GALK2: variants seen among roughly 807,000 people sequenced by gnomAD.
The protein encoded by GALK2 is N-acetylgalactosamine kinase.
Under a neutral mutation model 52.4 loss-of-function variants are expected in GALK2, and 36 were observed. The observed-to-expected ratio is 0.69, with a 90% CI of 0.53 to 0.91. GALK2 has a LOEUF of 0.91. Among genes scored for constraint, GALK2 ranks in the 40% least tolerant of loss-of-function variants. The probability of loss-of-function intolerance (pLI) is 0.00; values close to 1 mark genes in which losing one functional copy is unlikely to be tolerated. For synonymous variants in GALK2, 176 were observed against 199.1 expected, an observed-to-expected ratio of 0.88 and a Z score of 0.98; for missense variants, 579 against 559.1, an observed-to-expected ratio of 1.04 and a Z score of -0.36.
chr15:49,318,787 G>A (rs1428844688), intron 8 of GALK2, among the ~76,000 whole-genome samples: 1 of 152,122 alleles, frequency 6.6e-6, no homozygotes, highest in Non-Finnish European at 1.5e-5. Context: ...TGGCTCTAGG[G>A]CCAGGCATCC....
At chr15:49,187,024 A>G (rs2086401002) in intron 1 of GALK2, among the ~76,000 whole-genome samples, 1 of 152,188 alleles carries the variant, frequency 6.6e-6, no homozygotes, top group East Asian at 1.9e-4. Flanking sequence ...TTGAAGACTC[A>G]AGTATTATGG....
intron 5 of GALK2, among the ~76,000 whole-genome samples, chr15:49,252,140 A>G (rs984849759): frequency 6.6e-6 from 1 of 151,992 alleles, no homozygotes; most frequent in African/African-American, 2.4e-5. Flanking sequence ...GATGGTGAGC[A>G]CCTGTAATCC....
intron 7 of GALK2, among the ~76,000 whole-genome samples, chr15:49,284,925 G>A (rs948401283): frequency 6.6e-6 from 1 of 152,054 alleles, no homozygotes; most frequent in Non-Finnish European, 1.5e-5. Context: ...CTTTCTATCA[G>A]ACTCCACCTA....
At chr15:49,176,921 A>G (rs2085507170) in intron 1 of GALK2, among the ~76,000 whole-genome samples, 1 of 152,156 alleles carries the variant, frequency 6.6e-6, no homozygotes, top group Non-Finnish European at 1.5e-5. Context: ...TTTTCCTTGA[A>G]GGTCCAACCA....
intron 5 of GALK2, among the ~76,000 whole-genome samples, chr15:49,245,805 AC>A (rs1354180644): frequency 4.6e-5 from 7 of 152,238 alleles, no homozygotes; most frequent in Non-Finnish European, 5.9e-5. Flanking sequence ...CTACAATGTT[AC>A]AAAAATACAG....
chr15:49,239,071 T>C, intron 4 of GALK2, 150 bp from the exon 5 acceptor site: 1 of 607,612 alleles, frequency 1.6e-6, no homozygotes, highest in South Asian at 2.3e-5. Context: ...ATGTCACATA[T>C]AGTCTCAACT....
upstream of GALK2, among the ~76,000 whole-genome samples, chr15:49,166,043 C>T (rs2084810127): frequency 6.6e-6 from 1 of 152,006 alleles, no homozygotes; most frequent in Non-Finnish European, 1.5e-5. Context: ...ACCTTGTGAT[C>T]TGCCCGCCTC....
At chr15:49,260,171 G>T (rs989153853) in intron 5 of GALK2, among the ~76,000 whole-genome samples, 1 of 152,170 alleles carries the variant, frequency 6.6e-6, no homozygotes, top group African/African-American at 2.4e-5. Context: ...CTTCCACAAG[G>T]TTTGAACTAG....
At chr15:49,309,050 C>T (rs2035773956) in intron 8 of GALK2, among the ~76,000 whole-genome samples, 1 of 152,156 alleles carries the variant, frequency 6.6e-6, no homozygotes, top group South Asian at 2.1e-4. Flanking sequence ...GGGTACTAGG[C>T]TTCTTCTGGT....
chr15:49,163,628 A>G (rs529496914), intron 1 of GALK2, among the ~76,000 whole-genome samples: 43 of 152,204 alleles, frequency 2.8e-4, no homozygotes, highest in Non-Finnish European at 5.3e-4. Flanking sequence ...CAAAAATCCA[A>G]TGACAGTTTA....
rs148759690 is a variant in GALK2, at chr15:49,342,197, G to A, written c.426+22392G>A. ...GTATGTGTAAAAGTAGTTGTTTTAT[G>A]AATCTGGGTGATCCAATGCTGGGTG... is the stretch of plus-strand genomic sequence containing the variant. On this transcript the variant is annotated intron_variant, in intron 3 of 3. Transcript: ENST00000558399. 9.5e-4 allele frequency among the ~76,000 whole-genome samples: 145 copies of A among 152,244 alleles called. 1 individual carries two copies. The East Asian group carries it at 0.016, about 17-fold the overall frequency.
chr15:49,265,014 G>C (rs947220236), intron 5 of GALK2, among the ~76,000 whole-genome samples: 1 of 152,180 alleles, frequency 6.6e-6, no homozygotes, highest in Non-Finnish European at 1.5e-5. Context: ...AGGCTGCTTG[G>C]GGGTCAGGGG....
At position 49,201,399 on chromosome 15, in the gene GALK2, A is replaced by G. The variant is rs532409104; in HGVS notation, c.142+149A>G. On this transcript the variant is annotated intron_variant, in intron 2 of 9. Coordinates refer to ENST00000560031, the MANE Select transcript of GALK2 (RefSeq NM_002044.4). ...TAAGATGTGCCTTTGCATAAGGAAC[A>G]CACTTTACTTTTATCTTTCCCAATC... 1.3e-3 allele frequency: 675 copies of G among 522,336 alleles called. 11 individuals are homozygous for G. In the South Asian group the frequency reaches 0.019, roughly 15 times the overall value. 32.4% of individuals were successfully genotyped at this position (522,336 alleles called of 1,614,324 possible).
At chr15:49,233,527 C>A (rs77615865) in intron 3 of GALK2, among the ~76,000 whole-genome samples, 5 of 152,160 alleles carry the variant, frequency 3.3e-5, no homozygotes, top group Non-Finnish European at 5.9e-5. Flanking sequence ...CTGCCTACCC[C>A]CTCTGTTCAT....
At chr15:49,204,000 A>G (rs1045664763) in intron 2 of GALK2, among the ~76,000 whole-genome samples, 1 of 151,830 alleles carries the variant, frequency 6.6e-6, no homozygotes, top group African/African-American at 2.4e-5. Flanking sequence ...CTGTAATCCC[A>G]GCTACGCAGG....
chr15:49,338,436 G>C (rs1033984770), intron 3 of GALK2, among the ~76,000 whole-genome samples: 2 of 152,170 alleles, frequency 1.3e-5, no homozygotes, highest in Non-Finnish European at 2.9e-5. Flanking sequence ...TTTTCTTTAA[G>C]AATGTTGAAT....
At chr15:49,317,892 C>T (rs28705054) in intron 8 of GALK2, among the ~76,000 whole-genome samples, 2 of 152,008 alleles carry the variant, frequency 1.3e-5, no homozygotes, top group Non-Finnish European at 2.9e-5. Context: ...GGGAACAACA[C>T]ATACTGGGGC....
intron 8 of GALK2, among the ~76,000 whole-genome samples, chr15:49,305,113 CTAAATTAGAAATTG>C (rs1428523723): frequency 6.6e-6 from 1 of 152,150 alleles, no homozygotes; most frequent in African/African-American, 2.4e-5. Context: ...CTAATAATTT[CTAAATTAGAAATTG>C]TATGCTATTT....
upstream of GALK2, among the ~76,000 whole-genome samples, chr15:49,167,312 G>T (rs2084853676): frequency 6.6e-6 from 1 of 152,072 alleles, no homozygotes; most frequent in African/African-American, 2.4e-5. Context: ...AGAGGTTCAG[G>T]ATTTGTGAAA....
Sources: allele counts gnomAD v4.1 joint callset (sites outside exome capture counted in the v4.1 genomes callset), GRCh38; gene constraint gnomAD v4.1.1; transcripts MANE v1.5; gene names NCBI Gene and HGNC (gene_info 2026-07-23, HGNC 2026-07-21).